The following LINGO2 variants were observed in gnomAD, a reference collection of about 807,000 sequenced individuals.
The protein encoded by LINGO2 is leucine-rich repeat and immunoglobulin-like domain-containing nogo receptor-interacting protein 2.
In LINGO2, 14 loss-of-function variants were observed where a neutral mutation model predicts 30.6. The ratio of observed to expected loss-of-function variants is 0.46; its 90% CI spans 0.30 to 0.72. The LOEUF is 0.72. Among genes scored for constraint, LINGO2 ranks in the 30% least tolerant of loss-of-function variants. The pLI, the probability that LINGO2 is intolerant of heterozygous loss-of-function variation, is 0.07. For synonymous variants in LINGO2, 317 were observed against 288.5 expected (o/e 1.10, Z -1.00); for missense variants, 729 against 751.7 (o/e 0.97, Z 0.35).
At chr9:28,448,250 A>G (rs1405274021) in intron 2 of LINGO2, among the ~76,000 whole-genome samples, 1 of 152,188 alleles carries the variant, frequency 6.6e-6, no homozygotes, top group Non-Finnish European at 1.5e-5. Flanking sequence ...CTGGGTTGAC[A>G]GCAGGTAGTA....
At position 28,015,939 on chromosome 9, in the gene LINGO2, C is replaced by G. The variant is rs374364699; in HGVS notation, c.-86-3534G>C. On this transcript the variant is annotated intron_variant, in intron 4 of 5. Transcript: ENST00000379992. ...TTTACAAGAGGAGACCAAATAATCA[C>G]ACAAATATTTAATGAGAAACTGTGC... is the stretch of plus-strand genomic sequence containing the variant. 1.1e-4 allele frequency among the ~76,000 whole-genome samples: 15 copies of G among 134,514 alleles called. No individual in the cohort carries two copies. In the East Asian group the frequency reaches 3.2e-3, roughly 29 times the overall value. 88.2% of individuals were successfully genotyped at this position (134,514 alleles called of 152,430 possible). A position where few individuals can be genotyped will look rare whatever the true frequency, so the allele number is the denominator to read the frequency against.
the LINGO2 span, among the ~76,000 whole-genome samples, chr9:29,168,398 G>A: frequency 6.6e-6 from 1 of 152,144 alleles, no homozygotes; most frequent in Non-Finnish European, 1.5e-5. Flanking sequence ...GCCCTGGCCA[G>A]GGTATGAAAA....
chr9:28,033,754 A>G (rs1232954163), intron 4 of LINGO2, among the ~76,000 whole-genome samples: 1 of 152,226 alleles, frequency 6.6e-6, no homozygotes, highest in Non-Finnish European at 1.5e-5. Context: ...GAAAAGTATA[A>G]CCAGGATAAT....
At chr9:29,176,321 T>C in the LINGO2 span, among the ~76,000 whole-genome samples, 1 of 152,214 alleles carries the variant, frequency 6.6e-6, no homozygotes, top group African/African-American at 2.4e-5. Context: ...CAGAGACAGA[T>C]GTCCTTTGTT....
At chr9:28,669,703 T>C (rs928840273) in intron 1 of LINGO2, among the ~76,000 whole-genome samples, 1 of 151,960 alleles carries the variant, frequency 6.6e-6, no homozygotes, top group Non-Finnish European at 1.5e-5. Context: ...CCATTAGTAC[T>C]AGTGGGGGAA....
chr9:28,469,206 CAAAGA>C (rs1394748155), intron 2 of LINGO2, among the ~76,000 whole-genome samples: 3 of 145,426 alleles, frequency 2.1e-5, no homozygotes, highest in Admixed American at 1.4e-4. Context: ...CTTGAACAAG[CAAAGA>C]AAAGAATCAG....
At chr9:28,525,356 C>T (rs1229287587) in intron 1 of LINGO2, among the ~76,000 whole-genome samples, 1 of 152,138 alleles carries the variant, frequency 6.6e-6, no homozygotes, top group Non-Finnish European at 1.5e-5. Flanking sequence ...AACACACACC[C>T]ATGAAAAACT....
chr9:28,638,793 GA>G (rs1242504174), intron 1 of LINGO2, among the ~76,000 whole-genome samples: 1 of 151,994 alleles, frequency 6.6e-6, no homozygotes, highest in Non-Finnish European at 1.5e-5. Context: ...TTGATTTTTT[GA>G]AGGGTTTTTT....
intron 5 of LINGO2, among the ~76,000 whole-genome samples, chr9:27,971,221 C>A (rs1365079284): frequency 6.6e-6 from 1 of 151,342 alleles, no homozygotes; most frequent in Non-Finnish European, 1.5e-5. Flanking sequence ...ACTTCTTTTT[C>A]TTGTCCTTAC....
chr9:28,312,430 T>A lies in LINGO2; in HGVS notation c.-245-17064A>T, dbSNP rs62555392. Among the ~76,000 whole-genome samples the A allele has an allele frequency of 4.6e-5, 7 of 152,012 alleles. No individual in the cohort carries two copies. The East Asian group carries it at 1.4e-3, about 29-fold the overall frequency. ...TAGTGGAAATCAAATTATTAAAATT[T>A]TCAGGAAAAAATCACGAAAATTTAA... On this transcript the variant is annotated intron_variant, in intron 3 of 5. Coordinates refer to ENST00000379992, the Ensembl canonical transcript of LINGO2.
At chr9:28,755,692 T>G in the LINGO2 span, among the ~76,000 whole-genome samples, 1 of 152,104 alleles carries the variant, frequency 6.6e-6, no homozygotes, top group Non-Finnish European at 1.5e-5. Flanking sequence ...CCTGTTGTAT[T>G]ATCAGCTACT....
At chr9:29,021,303 C>G in the LINGO2 span, among the ~76,000 whole-genome samples, 1 of 152,134 alleles carries the variant, frequency 6.6e-6, no homozygotes, top group Non-Finnish European at 1.5e-5. Flanking sequence ...TGCCTCTGTA[C>G]ACTCATAGGT....
intron 3 of LINGO2, among the ~76,000 whole-genome samples, chr9:28,361,786 G>T (rs1045938375): frequency 6.6e-6 from 1 of 151,688 alleles, no homozygotes; most frequent in East Asian, 1.9e-4. Flanking sequence ...ACTTTTTATC[G>T]CAACTTTATA....
intron 2 of LINGO2, among the ~76,000 whole-genome samples, chr9:28,429,228 T>A (rs10968592): frequency 1.3e-5 from 2 of 152,144 alleles, no homozygotes; most frequent in African/African-American, 4.8e-5. Flanking sequence ...GCAGAACACA[T>A]TGCAAAGACA....
chr9:28,315,798 T>C (rs538690706), intron 3 of LINGO2, among the ~76,000 whole-genome samples: 26 of 152,342 alleles, frequency 1.7e-4, no homozygotes, highest in African/African-American at 6.3e-4. Context: ...AATTTCTATT[T>C]CATATATGTT....
the LINGO2 span, among the ~76,000 whole-genome samples, chr9:28,754,113 G>T: frequency 6.6e-6 from 1 of 151,262 alleles, no homozygotes; most frequent in African/African-American, 2.4e-5. Flanking sequence ...TATTTCCCAA[G>T]TATACTAACA....
chr9:28,040,947 G>T (rs775991318), intron 4 of LINGO2, among the ~76,000 whole-genome samples: 2 of 152,118 alleles, frequency 1.3e-5, no homozygotes, highest in Non-Finnish European at 2.9e-5. Flanking sequence ...ATTCTACCCA[G>T]GAAGTTATCA....
the LINGO2 span, among the ~76,000 whole-genome samples, chr9:29,146,291 G>A: frequency 9.2e-5 from 14 of 152,098 alleles, no homozygotes; most frequent in East Asian, 1.7e-3. Flanking sequence ...GGAGGCAGAC[G>A]TTGCAGTGAG....
At chr9:28,588,337 G>T (rs1824673113) in intron 1 of LINGO2, among the ~76,000 whole-genome samples, 1 of 151,886 alleles carries the variant, frequency 6.6e-6, no homozygotes, top group African/African-American at 2.4e-5. Context: ...CCTCAGCCAG[G>T]GTCAGAAGAT....
Sources: allele counts gnomAD v4.1 joint callset (sites outside exome capture counted in the v4.1 genomes callset), GRCh38; gene constraint gnomAD v4.1.1; transcripts MANE v1.5; gene names NCBI Gene and HGNC (gene_info 2026-07-23, HGNC 2026-07-21).